Variants in TET3 observed in about 807,000 individuals in gnomAD.
The protein encoded by TET3 is methylcytosine dioxygenase TET3.
A neutral mutation model predicts 141.4 loss-of-function variants in TET3; 19 were observed. That is an observed-to-expected ratio of 0.13 (90% CI 0.09 to 0.20). TET3 has a LOEUF of 0.20. Ranked by LOEUF, TET3 falls within the 10% of genes least tolerant of loss-of-function variation. The pLI is 1.00. For synonymous variants in TET3, 1,043 were observed against 980.9 expected, an observed-to-expected ratio of 1.06 and a Z score of -1.18; for missense variants, 1,874 against 2,356.9, an observed-to-expected ratio of 0.80 and a Z score of 4.24.
intron 3 of TET3, among the ~76,000 whole-genome samples, chr2:74,033,041 C>T (rs1381497889): frequency 6.6e-6 from 1 of 152,156 alleles, no homozygotes; most frequent in Non-Finnish European, 1.5e-5. Context: ...GTTATAACTG[C>T]GTACAGCTCT....
At chr2:74,004,651 C>T (rs1441439022) in intron 3 of TET3, among the ~76,000 whole-genome samples, 1 of 152,136 alleles carries the variant, frequency 6.6e-6, no homozygotes, top group Non-Finnish European at 1.5e-5. Flanking sequence ...GGATGATCAC[C>T]TGGGATGAGG....
At chr2:74,030,922 G>C (rs4853005) in intron 3 of TET3, among the ~76,000 whole-genome samples, 60,678 of 152,114 alleles carry the variant, frequency 0.4, 15,262 homozygotes, top group African/African-American at 0.72. Context: ...GGATGGAAGG[G>C]TTTAGCCAGG....
At chr2:74,073,444 C>T in intron 4 of TET3, 105 bp from the exon 5 acceptor site, 2 of 745,756 alleles carry the variant, frequency 2.7e-6, no homozygotes, top group Non-Finnish European at 4.3e-6. Context: ...TGTGGGTTTC[C>T]TGTTTTCTAG....
intron 3 of TET3, among the ~76,000 whole-genome samples, chr2:74,033,836 C>T (rs986391133): frequency 6.6e-6 from 1 of 152,148 alleles, no homozygotes; most frequent in Non-Finnish European, 1.5e-5. Context: ...TGGCTCACTC[C>T]TGTAATCCCA....
In TET3 at chr2:74,092,842, A is replaced by G. The variant is rs375188713; in HGVS notation, c.3040-60A>G. 2.6e-4 allele frequency: 377 copies of G among 1,438,166 alleles called. 5 individuals are homozygous for G. In the South Asian group the frequency reaches 3.9e-3, roughly 15 times the overall value. The allele number at this position is 1,438,166 out of a possible 1,614,324, so 89.1% of individuals were successfully genotyped here. ...GCTTCAGGAATGCCAGTCCACTTCCAGGGTGCAGGGTCTGCCAGGCGGGGC... is the reference window on the plus strand; with the variant it reads ...GCTTCAGGAATGCCAGTCCACTTCCGGGGTGCAGGGTCTGCCAGGCGGGGC... On this transcript the variant is annotated intron_variant, in intron 8 of 11. Coordinates refer to ENST00000409262, the MANE Select transcript of TET3 (RefSeq NM_001287491.2).
At chr2:74,031,135 G>A (rs984617232) in intron 3 of TET3, among the ~76,000 whole-genome samples, 10 of 152,104 alleles carry the variant, frequency 6.6e-5, no homozygotes, top group African/African-American at 2.4e-4. Context: ...GCTGAGCGGT[G>A]GGGCCTTGAT....
rs1243549872 is a variant in TET3, at chr2:74,093,968, A to T, written c.3267+302A>T. ...AAAGCGTGGGCCCCGGTCTCTGTGG[A>T]CACTTGGATTTAAATGCAAACAAAC... On this transcript the variant is annotated intron_variant, in intron 10 of 11. Transcript: ENST00000409262. The surrounding 1 kb of genome is among the most constrained non-coding windows in gnomAD (Gnocchi z 4.2). 6.6e-6 allele frequency among the ~76,000 whole-genome samples: 1 copy of T among 152,182 alleles called. No homozygotes were observed. Among genetic ancestry groups the T allele is most frequent in the African/African-American group, 2.4e-5 (1 of 41,448 alleles).
At chr2:74,022,054 CAGAG>C (rs890857590) in intron 3 of TET3, among the ~76,000 whole-genome samples, 70 of 145,040 alleles carry the variant, frequency 4.8e-4, no homozygotes, top group African/African-American at 1.6e-3. Flanking sequence ...TTTTTCTACT[CAGAG>C]AGAACTCCTG....
chr2:74,090,943 A>G (rs1690458648), intron 8 of TET3, among the ~76,000 whole-genome samples: 1 of 151,952 alleles, frequency 6.6e-6, no homozygotes, highest in African/African-American at 2.4e-5. Context: ...CAACCTTCCA[A>G]ATCTCTCCAA....
chr2:74,073,722 C>T, intron 5 of TET3, 83 bp downstream of exon 5: 3 of 1,178,996 alleles, frequency 2.5e-6, no homozygotes, highest in Non-Finnish European at 3.6e-6. Context: ...TTTTTCTTTG[C>T]CTTGTAACAG....
At chr2:74,114,020 A>C in the TET3 span, among the ~76,000 whole-genome samples, 1 of 152,220 alleles carries the variant, frequency 6.6e-6, no homozygotes, top group African/African-American at 2.4e-5. Flanking sequence ...AAAAGAACAA[A>C]TCTGGAGGTA....
chr2:74,112,993 T>C (rs12996870), downstream of TET3, among the ~76,000 whole-genome samples: 40,356 of 122,992 alleles, frequency 0.33, 6,200 homozygotes, highest in East Asian at 0.54. Context: ...GGCTACAGAG[T>C]GAGACTCCGT....
chr2:74,073,757 A>T (rs1218325903), intron 5 of TET3, 118 bp downstream of exon 5: 2 of 800,720 alleles, frequency 2.5e-6, no homozygotes, highest in Non-Finnish European at 3.8e-6. Flanking sequence ...GGAAACCCTG[A>T]TAACGGGCTT....
At chr2:74,096,762 C>CT (rs2104165803) in intron 10 of TET3, among the ~76,000 whole-genome samples, 2 of 118,570 alleles carry the variant, frequency 1.7e-5, no homozygotes, top group South Asian at 2.9e-4. Flanking sequence ...GAGCAAAACT[C>CT]TGTCTCAAAA....
Position 74,046,742 on chromosome 2 carries a change from T to A in TET3, c.825T>A (p.Asp275Glu). 6.2e-7 allele frequency: 1 copy of A among 1,613,872 alleles called. No individual in the cohort carries two copies. The change falls in exon 4 of 12, where the codon GAT (aspartate) becomes GAA (glutamate). Residue 275 changes from aspartate (D) to glutamate (E), a missense_variant. Coordinates refer to ENST00000409262, the MANE Select transcript of TET3 (RefSeq NM_001287491.2). This position sits in a 1 kb window ranked among gnomAD's most constrained non-coding sequence, Gnocchi z 4.3. The part of the protein sequence containing the change: ...HGMKPPNCNC[D>E]GPECPDYLEW... ...TGAAACCACCCAACTGCAACTGCGATGGCCCAGAATGCCCTGACTACCTCG... is the reference window on the plus strand; with the variant it reads ...TGAAACCACCCAACTGCAACTGCGAAGGCCCAGAATGCCCTGACTACCTCG...
At chr2:74,035,248 G>C (rs563878139) in intron 3 of TET3, among the ~76,000 whole-genome samples, 2 of 144,060 alleles carry the variant, frequency 1.4e-5, no homozygotes, top group South Asian at 4.5e-4. Context: ...ATGGTGGTTT[G>C]AGGTCAGGAG....
rs1448763281 is a variant in TET3, at chr2:74,106,432, A to T, written c.*4256A>T. ...AGGGACAGATTTTCTCCTGCAGCCC[A>T]GGGTGCTAAGCAGACATCTCTGGGA... On this transcript the variant is annotated 3_prime_UTR_variant, in exon 12 of 12. Coordinates refer to ENST00000409262, the MANE Select transcript of TET3 (RefSeq NM_001287491.2). 1.3e-5 allele frequency: 2 copies of T among 153,764 alleles called. No homozygotes were observed. The highest frequency in any genetic ancestry group is 4.8e-5 in the African/African-American group (2 of 41,438). The allele number at this position is 153,764 out of a possible 1,614,324, so 9.5% of individuals were successfully genotyped here.
chr2:74,025,904 G>C (rs1686323049), intron 3 of TET3, among the ~76,000 whole-genome samples: 1 of 151,996 alleles, frequency 6.6e-6, no homozygotes, highest in Non-Finnish European at 1.5e-5. Flanking sequence ...AGGAGTTTGA[G>C]AGCAGCTTGG....
At chr2:74,084,933 T>G (rs1690038329) in intron 6 of TET3, among the ~76,000 whole-genome samples, 3 of 151,314 alleles carry the variant, frequency 2.0e-5, no homozygotes, top group Admixed American at 2.0e-4. Context: ...AGACTCGGTC[T>G]CAAAAAAAAA....
Sources: allele counts gnomAD v4.1 joint callset (sites outside exome capture counted in the v4.1 genomes callset), GRCh38; gene constraint gnomAD v4.1.1; non-coding constraint Gnocchi (gnomAD v3.1); transcripts MANE v1.5; gene names NCBI Gene and HGNC (gene_info 2026-07-23, HGNC 2026-07-21).